Variants in PRICKLE2 observed in about 807,000 individuals in gnomAD.
PRICKLE2 encodes prickle-like protein 2.
In PRICKLE2, 21 loss-of-function variants were observed where a neutral mutation model predicts 81.4. That is an observed-to-expected ratio of 0.26 (90% CI 0.18 to 0.37). The LOEUF is 0.37. Among genes scored for constraint, PRICKLE2 ranks in the 10% least tolerant of loss-of-function variants. PRICKLE2 has a pLI of 1.00. For missense variants in PRICKLE2, 940 were observed against 1,109.0 expected (o/e 0.85, Z 2.16); for synonymous variants, 456 against 421.5 (o/e 1.08, Z -1.00).
intron 4 of PRICKLE2, 43 bp downstream of exon 4, chr3:64,159,897 A>T (rs1354112491): frequency 6.2e-7 from 1 of 1,612,864 alleles, no homozygotes; most frequent in Admixed American, 1.7e-5. Flanking sequence ...GGGTGAAAAG[A>T]TGCCAGAACA....
Position 64,098,387 on chromosome 3 carries a change from C to G in PRICKLE2, c.*664G>C, listed in dbSNP as rs182926907. ...GGAGCATAAAATGCTTTGGGTCTAA[C>G]AGTTATGTTTTTTCAGCCACAAAAA... is the stretch of plus-strand genomic sequence containing the variant. On this transcript the variant is annotated 3_prime_UTR_variant, in exon 8 of 8. Transcript: ENST00000638394. The G allele has an allele frequency of 6.9e-6, 1 of 145,842 alleles. No individual in the cohort carries two copies. Among genetic ancestry groups the G allele is most frequent in the South Asian group, 2.2e-4 (1 of 4,544 alleles). 9.0% of individuals were successfully genotyped at this position (145,842 alleles called of 1,614,324 possible).
chr3:64,202,619 G>C (rs1184885361), intron 1 of PRICKLE2, among the ~76,000 whole-genome samples: 1 of 146,328 alleles, frequency 6.8e-6, no homozygotes, highest in Non-Finnish European at 1.5e-5. Flanking sequence ...TCATTTATTA[G>C]TTGTATTAGT....
chr3:64,258,344 A>G (rs2079558813), intron 2 of PRICKLE2, among the ~76,000 whole-genome samples: 1 of 152,238 alleles, frequency 6.6e-6, no homozygotes, highest in African/African-American at 2.4e-5. Context: ...TTGAATGAAT[A>G]TATTTTGATC....
chr3:64,239,432 C>CG (rs1445893508), intron 2 of PRICKLE2, among the ~76,000 whole-genome samples: 2 of 152,124 alleles, frequency 1.3e-5, no homozygotes, highest in Non-Finnish European at 2.9e-5. Context: ...AGCCAGTGGC[C>CG]GGAGATAGCT....
At position 64,157,235 on chromosome 3, in the gene PRICKLE2, T is replaced by C. The variant is rs188632189; in HGVS notation, c.527A>G (p.Tyr176Cys). 84 of 1,614,174 alleles carry C rather than the reference T, an allele frequency of 5.2e-5. No individual in the cohort carries two copies. Among genetic ancestry groups the C allele is most frequent in the Middle Eastern group, 1.7e-4 (1 of 6,060 alleles). ...NELLVDLIYF[Y>C]QDGKIYCGRH... ...GCCACAGTATATCTTCCCATCTTGG[T>C]AAAAGTAGATCAGATCCACCAGGAG... Residue 176 changes from tyrosine to cysteine, a missense_variant, in exon 5 of 8, where the codon TAC (tyrosine) becomes TGC (cysteine). Physicochemically the swap from Tyr to Cys is radical, Grantham distance 194. This residue lies in a region of PRICKLE2 where 270 missense variants were observed against 391.8 expected (regional missense o/e 0.69). Transcript: ENST00000638394.
intron 1 of PRICKLE2, among the ~76,000 whole-genome samples, chr3:64,214,994 A>G (rs1184668428): frequency 1.3e-5 from 2 of 151,988 alleles, no homozygotes; most frequent in African/African-American, 4.8e-5. Context: ...GAGCTACTAC[A>G]ATAGCCTACT....
At chr3:64,172,287 C>G (rs77426060) in intron 2 of PRICKLE2, among the ~76,000 whole-genome samples, 159 of 152,320 alleles carry the variant, frequency 1.0e-3, no homozygotes, top group African/African-American at 3.8e-3. Flanking sequence ...TACGCATTTG[C>G]GTATATGCCC....
chr3:64,128,472 G>C (rs1481788963), intron 7 of PRICKLE2, among the ~76,000 whole-genome samples: 3 of 152,160 alleles, frequency 2.0e-5, no homozygotes, highest in African/African-American at 7.2e-5. Context: ...ATTTGGCCAG[G>C]TGCGGTGGCC....
At chr3:64,211,278 C>A (rs1397587428) in intron 1 of PRICKLE2, among the ~76,000 whole-genome samples, 2 of 152,116 alleles carry the variant, frequency 1.3e-5, no homozygotes. Context: ...ATTTATTAAA[C>A]AATAATTCAC....
chr3:64,209,012 A>G (rs1291565599), intron 1 of PRICKLE2, among the ~76,000 whole-genome samples: 1 of 151,982 alleles, frequency 6.6e-6, no homozygotes, highest in African/African-American at 2.4e-5. Context: ...ATATCCATAC[A>G]TACATCCCAT....
intron 2 of PRICKLE2, among the ~76,000 whole-genome samples, chr3:64,198,210 T>C (rs2078497405): frequency 7.4e-6 from 1 of 134,752 alleles, no homozygotes; most frequent in South Asian, 2.4e-4. Context: ...AGACTCTATC[T>C]AAAATAAATA....
intron 2 of PRICKLE2, among the ~76,000 whole-genome samples, chr3:64,181,407 C>T (rs895894100): frequency 1.2e-4 from 19 of 152,172 alleles, no homozygotes; most frequent in African/African-American, 4.6e-4. Flanking sequence ...CTTGCTATCA[C>T]AGTCTTCATC....
At chr3:64,217,158 AG>A (rs1210726200) in intron 1 of PRICKLE2, among the ~76,000 whole-genome samples, 1 of 152,192 alleles carries the variant, frequency 6.6e-6, no homozygotes, top group Non-Finnish European at 1.5e-5. Context: ...CCCCTTGTAA[AG>A]GAGGTATTCC....
At chr3:64,184,779 G>A (rs1214524378) in intron 2 of PRICKLE2, among the ~76,000 whole-genome samples, 1 of 152,176 alleles carries the variant, frequency 6.6e-6, no homozygotes, top group Non-Finnish European at 1.5e-5. Flanking sequence ...CACTGTTCCA[G>A]GCCAGAAGAG....
upstream of PRICKLE2, among the ~76,000 whole-genome samples, chr3:64,229,986 C>T (rs1174297438): frequency 5.9e-5 from 9 of 152,168 alleles, no homozygotes; most frequent in Non-Finnish European, 1.3e-4. Context: ...TCCAGGTACT[C>T]CATTCTAAGT....
intron 2 of PRICKLE2, 55 bp from the exon 3 acceptor site, chr3:64,163,184 T>A (rs1559550168): frequency 9.7e-7 from 1 of 1,033,062 alleles, no homozygotes; most frequent in Non-Finnish European, 1.5e-6. Flanking sequence ...CATGTGCCTA[T>A]TCCCACTTAC....
intron 2 of PRICKLE2, among the ~76,000 whole-genome samples, chr3:64,165,087 A>G (rs1047154614): frequency 6.6e-6 from 1 of 152,202 alleles, no homozygotes; most frequent in Non-Finnish European, 1.5e-5. Flanking sequence ...GACAATTGCT[A>G]ATATGAGATG....
At chr3:64,148,909 G>A (rs959846625) in intron 6 of PRICKLE2, among the ~76,000 whole-genome samples, 1 of 152,162 alleles carries the variant, frequency 6.6e-6, no homozygotes, top group Admixed American at 6.5e-5. Flanking sequence ...TTCCGTTAAA[G>A]CAGTCTCAAC....
intron 2 of PRICKLE2, among the ~76,000 whole-genome samples, chr3:64,238,701 G>T (rs541978713): frequency 6.6e-6 from 1 of 152,120 alleles, no homozygotes; most frequent in Middle Eastern, 3.2e-3. Flanking sequence ...CTTATTAGCT[G>T]TGTGAATTGG....
Sources: gnomAD v4.1 joint callset for allele counts (sites outside exome capture counted in the v4.1 genomes callset) on GRCh38, gnomAD v4.1.1 for gene constraint, gnomAD v4.1.1 regional missense constraint, MANE v1.5 for transcripts, NCBI Gene and HGNC (gene_info 2026-07-23, HGNC 2026-07-21) for gene names.